FHOD3: variants seen among roughly 807,000 people sequenced by gnomAD.
FHOD3 encodes the protein formin homology 2 domain containing 3.
FHOD3 carries 90 observed loss-of-function variants against 173.0 expected under a neutral mutation model. The observed-to-expected ratio is 0.52, with a 90% CI of 0.44 to 0.62. The LOEUF is 0.62. Ranked by LOEUF, FHOD3 falls within the 20% of genes least tolerant of loss-of-function variation. The pLI, the probability that FHOD3 is intolerant of heterozygous loss-of-function variation, is 0.00. For missense variants in FHOD3, 1,945 were observed against 2,034.7 expected (o/e 0.96, Z 0.85); for synonymous variants, 828 against 823.0 (o/e 1.01, Z -0.10).
Position 36,658,170 on chromosome 18 carries a change from A to C in FHOD3, c.1817A>C (p.Gln606Pro), listed in dbSNP as rs772806539. The C allele has an allele frequency of 1.9e-6, 3 of 1,586,080 alleles. No homozygotes were observed. In the South Asian group the frequency reaches 3.4e-5, roughly 18 times the overall value. Reference sequence around the variant, plus strand: ...CCCACATCATCCGTCTCACCCCCACAGGAGGCCAGGTTGGAAAGGTGAGTT... The same window carrying C: ...CCCACATCATCCGTCTCACCCCCACCGGAGGCCAGGTTGGAAAGGTGAGTT... The part of the protein sequence containing the change: ...TTPTSSVSPP[Q>P]EARLERSSPS... The change falls in exon 14 of 29, where the codon CAG (glutamine) becomes CCG (proline). Residue 606 changes from glutamine to proline, a missense_variant. By Grantham distance (76) the Gln-to-Pro change is moderately conservative. Coordinates refer to ENST00000590592, the MANE Select transcript of FHOD3 (RefSeq NM_001281740.3).
At chr18:36,578,607 A>G (rs1003534230) in intron 6 of FHOD3, among the ~76,000 whole-genome samples, 1 of 152,140 alleles carries the variant, frequency 6.6e-6, no homozygotes, top group African/African-American at 2.4e-5. Context: ...TGGGGAGTCC[A>G]TCCCCTGGCC....
intron 6 of FHOD3, among the ~76,000 whole-genome samples, chr18:36,589,868 T>C (rs1039583369): frequency 3.3e-5 from 5 of 152,196 alleles, no homozygotes; most frequent in African/African-American, 9.7e-5. Context: ...TCAATTCCAA[T>C]TGATTTCTCT....
At position 36,380,849 on chromosome 18, in the gene FHOD3, C is replaced by T. The variant is rs535633434; in HGVS notation, c.337+8105C>T. On this transcript the variant is annotated intron_variant, in intron 3 of 28. Transcript: ENST00000590592. ...CATGAGCCCCATTCACTGACTGACA[C>T]ATTTGCAGCTTGGTTCTTTCCCACC... 1.4e-4 allele frequency among the ~76,000 whole-genome samples: 21 copies of T among 152,222 alleles called. No homozygotes were observed. The East Asian group carries it at 3.7e-3, about 27-fold the overall frequency.
chr18:36,464,605 T>A (rs888729945), intron 3 of FHOD3, among the ~76,000 whole-genome samples: 9 of 152,128 alleles, frequency 5.9e-5, no homozygotes, highest in African/African-American at 1.9e-4. Context: ...CTTTGGTGAC[T>A]GCCAATGTGA....
chr18:36,401,757 G>GTGCTTAA (rs1202366840), intron 3 of FHOD3, among the ~76,000 whole-genome samples: 2 of 152,230 alleles, frequency 1.3e-5, no homozygotes. Flanking sequence ...TGTGAGGGCA[G>GTGCTTAA]TGCTTAACCT....
At chr18:36,596,935 G>T (rs912352753) in intron 7 of FHOD3, among the ~76,000 whole-genome samples, 1 of 152,148 alleles carries the variant, frequency 6.6e-6, no homozygotes, top group Non-Finnish European at 1.5e-5. Context: ...TAGGTATAAG[G>T]TCAGCAGTGT....
intron 5 of FHOD3, among the ~76,000 whole-genome samples, chr18:36,548,744 C>T: frequency 6.6e-6 from 1 of 152,230 alleles, no homozygotes; most frequent in East Asian, 1.9e-4. Context: ...TCACACGTCG[C>T]ATGGTCTTCA....
chr18:36,657,476 T>A (rs1292129341), intron 13 of FHOD3, among the ~76,000 whole-genome samples: 1 of 152,246 alleles, frequency 6.6e-6, no homozygotes, highest in Non-Finnish European at 1.5e-5. Flanking sequence ...ACCTCATGGC[T>A]GTAATTTTGG....
At chr18:36,318,221 T>C (rs1276739085) in intron 1 of FHOD3, among the ~76,000 whole-genome samples, 1 of 147,674 alleles carries the variant, frequency 6.8e-6, no homozygotes, top group Non-Finnish European at 1.5e-5. Context: ...TTTTTTTGGT[T>C]CCATATGAAA....
chr18:36,745,860 A>G (rs1321636446), intron 23 of FHOD3, among the ~76,000 whole-genome samples: 1 of 142,506 alleles, frequency 7.0e-6, no homozygotes, highest in East Asian at 2.1e-4. Flanking sequence ...CCCTCCACGC[A>G]CCTCGTGCTC....
intron 5 of FHOD3, among the ~76,000 whole-genome samples, chr18:36,527,584 T>G (rs62082326): frequency 0.061 from 9,336 of 152,234 alleles, 424 homozygotes; most frequent in Non-Finnish European, 0.09. Context: ...ATAGGGCCAC[T>G]GTTATCTGAC....
At chr18:36,592,218 CA>C (rs948583992) in intron 6 of FHOD3, among the ~76,000 whole-genome samples, 1 of 151,734 alleles carries the variant, frequency 6.6e-6, no homozygotes, top group Admixed American at 6.6e-5. Flanking sequence ...GACTCCATCT[CA>C]AAAAAAATAA....
At chr18:36,660,567 G>C (rs2149214809) in intron 14 of FHOD3, among the ~76,000 whole-genome samples, 1 of 152,350 alleles carries the variant, frequency 6.6e-6, no homozygotes, top group South Asian at 2.1e-4. Flanking sequence ...CTGCCGCCTG[G>C]AGGGTAAGAG....
intron 3 of FHOD3, among the ~76,000 whole-genome samples, chr18:36,398,468 A>G (rs2048654609): frequency 6.6e-6 from 1 of 152,170 alleles, no homozygotes; most frequent in South Asian, 2.1e-4. Context: ...TTGTAATTCT[A>G]TAACCACTGT....
chr18:36,424,378 G>A (rs1318350459), intron 3 of FHOD3, among the ~76,000 whole-genome samples: 1 of 151,598 alleles, frequency 6.6e-6, no homozygotes, highest in African/African-American at 2.4e-5. Context: ...TTTTTTTTTA[G>A]CAACGTGTAT....
intron 3 of FHOD3, among the ~76,000 whole-genome samples, chr18:36,456,643 C>T (rs2052232928): frequency 1.3e-5 from 2 of 152,158 alleles, no homozygotes; most frequent in South Asian, 2.1e-4. Context: ...GGAGTTCCAG[C>T]CTGTGTGTCC....
At position 36,730,655 on chromosome 18, in the gene FHOD3, G is replaced by A. The variant is rs779845037; in HGVS notation, c.3427G>A (p.Ala1143Thr). 1.1e-5 allele frequency: 18 copies of A among 1,612,184 alleles called. No individual in the cohort carries two copies. The highest frequency in any genetic ancestry group is 1.6e-4 in the Middle Eastern group (1 of 6,078). ...KELSVSKKTA[A>T]DGKRQEIIVL... ...CTTTTTTATCACTAAGAAAACTGCT[G>A]CAGATGGAAAAAGGCAAGAGATCAT... Residue 1143 changes from alanine to threonine, a missense_variant, in exon 20 of 29, where the codon GCA becomes ACA. Ala to Thr is a moderately conservative substitution (Grantham distance 58). Around this residue, in one of 5 missense-constraint regions of FHOD3, gnomAD observed 231 missense variants for 321.9 expected, o/e 0.72. Transcript: ENST00000590592.
chr18:36,626,044 T>C (rs2034083320), intron 10 of FHOD3, among the ~76,000 whole-genome samples: 1 of 152,180 alleles, frequency 6.6e-6, no homozygotes, highest in African/African-American at 2.4e-5. Flanking sequence ...AGAAAAGCTG[T>C]GTTTTATCAA....
intron 18 of FHOD3, chr18:36,710,597 AT>A (rs1254963004): frequency 6.6e-6 from 1 of 152,202 alleles, no homozygotes; most frequent in African/African-American, 2.4e-5. Context: ...TATGCTTTAT[AT>A]TGCTGGTCAC....
Sources: gnomAD v4.1 joint callset for allele counts (sites outside exome capture counted in the v4.1 genomes callset) on GRCh38, gnomAD v4.1.1 for gene constraint, gnomAD v4.1.1 regional missense constraint, MANE v1.5 for transcripts, NCBI Gene and HGNC (gene_info 2026-07-23, HGNC 2026-07-21) for gene names.